The following AQR variants were observed in gnomAD, a reference collection of about 807,000 sequenced individuals.
AQR encodes aquarius intron-binding spliceosomal factor.
In AQR, 61 loss-of-function variants were observed where a neutral mutation model predicts 180.5. The ratio of observed to expected loss-of-function variants is 0.34; its 90% CI spans 0.28 to 0.42. The LOEUF (loss-of-function observed/expected upper bound fraction) is 0.42, where lower values mean the gene tolerates loss of function less well. AQR is among the 10% of genes least tolerant of loss of function. The pLI is 1.00. For synonymous variants in AQR, 551 were observed against 588.8 expected, an observed-to-expected ratio of 0.94 and a Z score of 0.93; for missense variants, 1,281 against 1,798.3, an observed-to-expected ratio of 0.71 and a Z score of 5.20.
intron 30 of AQR, among the ~76,000 whole-genome samples, chr15:34,871,506 C>CAA (rs916025647): frequency 1.6e-3 from 99 of 62,302 alleles, no homozygotes; most frequent in African/African-American, 4.0e-3. Context: ...ATCTCATCTC[C>CAA]AAAAAAAAAA....
chr15:34,890,351 G>A (rs375994831), intron 23 of AQR, 27 bp from the exon 24 acceptor site: 10 of 1,586,424 alleles, frequency 6.3e-6, no homozygotes, highest in South Asian at 2.3e-5. Context: ...GAAGGGTGAC[G>A]GCACCTTTAA....
chr15:34,956,928 C>CT (rs1894328887), intron 3 of AQR, among the ~76,000 whole-genome samples: 2 of 151,794 alleles, frequency 1.3e-5, no homozygotes, highest in African/African-American at 4.8e-5. Context: ...AAGCACTTAA[C>CT]TATTATTTTT....
chr15:34,920,264 C>G (rs1447260629), intron 14 of AQR, 68 bp downstream of exon 14: 10 of 1,142,130 alleles, frequency 8.8e-6, no homozygotes, highest in Middle Eastern at 5.5e-4. Context: ...TATGAACCTA[C>G]ATCTTTAAGA....
Position 34,856,856 on chromosome 15 carries a change from A to G in AQR, c.4394T>C (p.Val1465Ala), listed in dbSNP as rs752461923. 1 of 1,610,840 alleles carries G rather than the reference A, an allele frequency of 6.2e-7. No homozygotes were observed. Among genetic ancestry groups the G allele is most frequent in the Non-Finnish European group, 8.5e-7 (1 of 1,178,384 alleles). The part of the protein sequence containing the change: ...SETTPTVVGA[V>A]SAPAEANTPQ... The stretch of plus-strand genomic sequence containing the variant: ...TGTGTTAGCTTCTGCCGGTGCAGAT[A>G]CAGCTCCTACCACAGTAGGGGTGGT... Residue 1465 changes from valine (V) to alanine (A), a missense_variant, in exon 35 of 35, where the codon GTA (valine) becomes GCA (alanine). By Grantham distance (64) the Val-to-Ala change is moderately conservative (BLOSUM62 0). This residue lies in a region of AQR where 182 missense variants were observed against 185.3 expected (regional missense o/e 0.98). Transcript: ENST00000156471.
At chr15:34,878,914 G>C (rs1051855740) in intron 27 of AQR, among the ~76,000 whole-genome samples, 1 of 152,070 alleles carries the variant, frequency 6.6e-6, no homozygotes, top group Non-Finnish European at 1.5e-5. Context: ...TGTAATCCCA[G>C]CTACTTGGGA....
At chr15:34,965,811 T>C (rs937827489) in intron 1 of AQR, among the ~76,000 whole-genome samples, 8 of 152,198 alleles carry the variant, frequency 5.3e-5, no homozygotes, top group African/African-American at 1.4e-4. Context: ...AATTCAGTCA[T>C]CTTCTTCTTA....
At chr15:34,949,600 C>T (rs1385948010) in intron 4 of AQR, among the ~76,000 whole-genome samples, 3 of 93,160 alleles carry the variant, frequency 3.2e-5, no homozygotes, top group South Asian at 4.4e-4. Context: ...AGTGAGACTC[C>T]GTCACAAAAA....
chr15:34,968,819 T>C (rs946806209), intron 1 of AQR, among the ~76,000 whole-genome samples: 1 of 152,196 alleles, frequency 6.6e-6, no homozygotes, highest in Non-Finnish European at 1.5e-5. Context: ...AATCACTCCC[T>C]AGGCTTCTGC....
chr15:34,883,282 C>A (rs569500590), intron 26 of AQR, among the ~76,000 whole-genome samples: 1 of 152,146 alleles, frequency 6.6e-6, no homozygotes, highest in African/African-American at 2.4e-5. Flanking sequence ...GGAAATTAAA[C>A]CTGCAAGGAT....
At chr15:34,902,868 C>T (rs565467306) in intron 19 of AQR, among the ~76,000 whole-genome samples, 5 of 152,182 alleles carry the variant, frequency 3.3e-5, no homozygotes, top group South Asian at 2.1e-4. Context: ...GCTAAGGATA[C>T]ACTGGCAGAC....
chr15:34,932,486 A>G, intron 10 of AQR, 52 bp from the exon 11 acceptor site: 1 of 1,298,704 alleles, frequency 7.7e-7, no homozygotes, highest in Non-Finnish European at 1.1e-6. Context: ...CTCCACAGCT[A>G]GAAGTGAAAT....
At chr15:34,884,835 G>C in intron 25 of AQR, 101 bp from the exon 26 acceptor site, 2 of 799,592 alleles carry the variant, frequency 2.5e-6, no homozygotes, top group Non-Finnish European at 3.8e-6. Flanking sequence ...AGGTGAAAAA[G>C]AAAAAAAAAG....
At chr15:34,935,974 C>G (rs12915493) in intron 9 of AQR, among the ~76,000 whole-genome samples, 97,121 of 152,010 alleles carry the variant, frequency 0.64, 32,368 homozygotes, top group South Asian at 0.75. Flanking sequence ...TACGTCTTGA[C>G]AAATTACTGG....
chr15:34,904,417 A>G lies in AQR; in HGVS notation c.1920T>C (p.Asn640=). The change falls in exon 19 of 35, where the codon AAT becomes AAC. Residue 640 remains asparagine (N), a synonymous_variant. Coordinates refer to ENST00000156471, the MANE Select transcript of AQR (RefSeq NM_014691.3). ...CATCCTCTGCTCCATTTTGTATAGT[A>G]TTGGTCATATCTTGTTGATACTGGT... ...DPNQYQQDMT[N]TIQNGAEDVY... 2 of 1,611,104 alleles carry G rather than the reference A, an allele frequency of 1.2e-6. No homozygotes were observed. The highest frequency in any genetic ancestry group is 1.7e-6 in the Non-Finnish European group (2 of 1,177,936).
At chr15:34,914,418 T>C (rs942526014) in intron 16 of AQR, among the ~76,000 whole-genome samples, 1 of 152,136 alleles carries the variant, frequency 6.6e-6, no homozygotes, top group Non-Finnish European at 1.5e-5. Flanking sequence ...GGAGTGGAGT[T>C]TATGCAGAAG....
intron 3 of AQR, among the ~76,000 whole-genome samples, chr15:34,955,410 CT>C (rs989527488): frequency 3.9e-5 from 6 of 152,122 alleles, no homozygotes; most frequent in African/African-American, 7.2e-5. Context: ...ACATTCCCCC[CT>C]ATCCCAACAA....
rs546493887 is a variant in AQR at position 34,855,657 on chromosome 15, C to A, written c.*1135G>T. ...CATTATAGCCTCATTCATGTGAAGACAACACAGTAATCTTAGTACAGTGCT... is the reference window on the plus strand; with the variant it reads ...CATTATAGCCTCATTCATGTGAAGAAAACACAGTAATCTTAGTACAGTGCT... On this transcript the variant is annotated 3_prime_UTR_variant, in exon 35 of 35. Coordinates refer to ENST00000156471, the MANE Select transcript of AQR (RefSeq NM_014691.3). 1 of 151,690 alleles carries A rather than the reference C, an allele frequency of 6.6e-6. No individual in the cohort carries two copies. The highest frequency in any genetic ancestry group is 2.1e-4 in the South Asian group (1 of 4,798). The allele number at this position is 151,690 out of a possible 1,614,324, so 9.4% of individuals were successfully genotyped here.
intron 4 of AQR, among the ~76,000 whole-genome samples, chr15:34,950,508 T>C (rs1894210877): frequency 6.6e-6 from 1 of 152,210 alleles, no homozygotes; most frequent in African/African-American, 2.4e-5. Flanking sequence ...ATTTTGCTAA[T>C]TGAGTTTTTA....
intron 24 of AQR, among the ~76,000 whole-genome samples, chr15:34,887,317 G>A (rs1307661514): frequency 1.3e-5 from 2 of 152,168 alleles, no homozygotes; most frequent in Admixed American, 1.3e-4. Flanking sequence ...TCTGGTGCTA[G>A]TTCATTTCAT....
Sources: gnomAD v4.1 joint callset for allele counts (sites outside exome capture counted in the v4.1 genomes callset) on GRCh38, gnomAD v4.1.1 for gene constraint, gnomAD v4.1.1 regional missense constraint, MANE v1.5 for transcripts, NCBI Gene and HGNC (gene_info 2026-07-23, HGNC 2026-07-21) for gene names.